The following STK32B variants were observed in gnomAD, a reference collection of about 807,000 sequenced individuals.
The protein encoded by STK32B is serine/threonine kinase 32B, also known as serine/threonine-protein kinase 32B.
A neutral mutation model predicts 52.6 loss-of-function variants in STK32B; 43 were observed. The observed-to-expected ratio is 0.82, with a 90% confidence interval of 0.64 to 1.05. The LOEUF is 1.05. Ranked by LOEUF, STK32B falls within the 50% of genes least tolerant of loss-of-function variation. The probability of loss-of-function intolerance (pLI) is 0.00; values close to 1 mark genes in which losing one functional copy is unlikely to be tolerated. For missense variants in STK32B, 621 were observed against 534.6 expected (o/e 1.16, Z -1.59); for synonymous variants, 238 against 204.3 (o/e 1.17, Z -1.41).
intron 1 of STK32B, among the ~76,000 whole-genome samples, chr4:5,078,412 A>G (rs990307500): frequency 6.6e-6 from 1 of 152,176 alleles, no homozygotes; most frequent in African/African-American, 2.4e-5. Context: ...AAACAAAACA[A>G]ACTGACATGA....
At chr4:5,191,226 C>G (rs1326466709) in intron 3 of STK32B, among the ~76,000 whole-genome samples, 1 of 151,550 alleles carries the variant, frequency 6.6e-6, no homozygotes, top group African/African-American at 2.4e-5. Flanking sequence ...GTTTGTGGAC[C>G]AGGCCTCTGC....
chr4:5,402,193 G>C (rs1737337968), intron 5 of STK32B, among the ~76,000 whole-genome samples: 3 of 152,236 alleles, frequency 2.0e-5, no homozygotes, highest in African/African-American at 7.2e-5. Context: ...AGAGAGACTA[G>C]ACATTGCAAA....
intron 3 of STK32B, among the ~76,000 whole-genome samples, chr4:5,244,275 A>G (rs184619076): frequency 3.9e-5 from 6 of 152,148 alleles, no homozygotes; most frequent in African/African-American, 1.4e-4. Context: ...GTCTATTCAG[A>G]GATTCAACTT....
intron 3 of STK32B, among the ~76,000 whole-genome samples, chr4:5,263,662 T>G (rs1007660606): frequency 3.3e-5 from 5 of 152,238 alleles, no homozygotes; most frequent in African/African-American, 1.2e-4. Flanking sequence ...TTACATATTA[T>G]GATACGCAGA....
the STK32B span, among the ~76,000 whole-genome samples, chr4:5,043,493 A>T: frequency 1.3e-5 from 2 of 152,342 alleles, no homozygotes; most frequent in East Asian, 3.9e-4. Flanking sequence ...ATTCCTTTAT[A>T]TAGGACTGGA....
intron 1 of STK32B, among the ~76,000 whole-genome samples, chr4:5,055,011 T>C (rs949633587): frequency 3.3e-5 from 5 of 152,162 alleles, no homozygotes; most frequent in African/African-American, 9.7e-5. Flanking sequence ...TTACTGTGGA[T>C]GGCATCTAAC....
intron 7 of STK32B, among the ~76,000 whole-genome samples, chr4:5,448,843 C>A (rs768900666): frequency 1.3e-5 from 2 of 152,146 alleles, no homozygotes; most frequent in African/African-American, 4.8e-5. Context: ...CAAAGGACAA[C>A]AGGTTTATGC....
In STK32B at chr4:5,058,674, T is replaced by C. The variant is rs1364663236; in HGVS notation, c.52+6759T>C. Among the ~76,000 whole-genome samples, 2 of 152,200 alleles carry C rather than the reference T, an allele frequency of 1.3e-5. No individual in the cohort carries two copies. The highest frequency in any genetic ancestry group is 2.9e-5 in the Non-Finnish European group (2 of 68,026). On this transcript the variant is annotated intron_variant, in intron 1 of 11. Transcript: ENST00000282908. This position sits in a 1 kb window ranked among gnomAD's most constrained non-coding sequence, Gnocchi z 4.8. ...ACCTCCCCGGCTCAAGCAATCCTCCTGTGTCAGCCTACAAAGTAGACCATA... is the reference window on the plus strand; with the variant it reads ...ACCTCCCCGGCTCAAGCAATCCTCCCGTGTCAGCCTACAAAGTAGACCATA...
At chr4:5,312,926 A>G (rs954166670) in intron 3 of STK32B, among the ~76,000 whole-genome samples, 22 of 152,034 alleles carry the variant, frequency 1.4e-4, no homozygotes, top group Admixed American at 6.5e-4. Flanking sequence ...AAGTGTTCCT[A>G]TTTCTCCATA....
chr4:5,328,331 G>C (rs1396423571), intron 3 of STK32B, among the ~76,000 whole-genome samples: 1 of 152,176 alleles, frequency 6.6e-6, no homozygotes, highest in Non-Finnish European at 1.5e-5. Flanking sequence ...GCCTATCTTG[G>C]CATTTGGCAT....
intron 2 of STK32B, among the ~76,000 whole-genome samples, chr4:5,143,055 A>G (rs944240992): frequency 6.6e-6 from 1 of 152,046 alleles, no homozygotes; most frequent in African/African-American, 2.4e-5. Context: ...AAGCCCCTAC[A>G]GTTGTGTGAA....
At chr4:5,052,641 A>G (rs1222261578) in intron 1 of STK32B, among the ~76,000 whole-genome samples, 1 of 152,174 alleles carries the variant, frequency 6.6e-6, no homozygotes, top group Non-Finnish European at 1.5e-5. Flanking sequence ...TAGTCCCTTC[A>G]TCAATGAAAT....
At chr4:5,414,514 T>C (rs1323542345) in intron 5 of STK32B, among the ~76,000 whole-genome samples, 1 of 152,192 alleles carries the variant, frequency 6.6e-6, no homozygotes, top group Non-Finnish European at 1.5e-5. Context: ...GGATTGTGGA[T>C]GTCATAGATA....
At chr4:5,492,890 G>A (rs528209406) in intron 11 of STK32B, among the ~76,000 whole-genome samples, 1,554 of 150,738 alleles carry the variant, frequency 0.01, 95 homozygotes, top group African/African-American at 0.035. Flanking sequence ...ATTGATTTGC[G>A]TATATTGAAC....
At chr4:5,129,716 A>C (rs953825368) in intron 1 of STK32B, among the ~76,000 whole-genome samples, 29 of 152,162 alleles carry the variant, frequency 1.9e-4, no homozygotes, top group African/African-American at 6.5e-4. Flanking sequence ...AACAACCCTA[A>C]GAAGTAGGTA....
chr4:5,306,481 A>G (rs1040299895), intron 3 of STK32B, among the ~76,000 whole-genome samples: 4 of 151,614 alleles, frequency 2.6e-5, no homozygotes, highest in Admixed American at 2.0e-4. Context: ...TTTTTTAACT[A>G]TTGTAGCTTT....
chr4:5,277,582 C>G (rs973086940), intron 3 of STK32B, among the ~76,000 whole-genome samples: 1 of 152,108 alleles, frequency 6.6e-6, no homozygotes, highest in African/African-American at 2.4e-5. Flanking sequence ...TCTCTTTTCA[C>G]CTGCCTACCC....
chr4:5,311,090 C>T (rs1237629838), intron 3 of STK32B, among the ~76,000 whole-genome samples: 1 of 152,086 alleles, frequency 6.6e-6, no homozygotes, highest in Admixed American at 6.6e-5. Context: ...GCTTTGTTAA[C>T]AGATACAAAA....
At chr4:5,327,668 C>T (rs1331277271) in intron 3 of STK32B, among the ~76,000 whole-genome samples, 3 of 151,980 alleles carry the variant, frequency 2.0e-5, no homozygotes, top group Non-Finnish European at 2.9e-5. Flanking sequence ...TTATAGAACA[C>T]AGGCAATAGA....
Sources: gnomAD v4.1 joint callset for allele counts (sites outside exome capture counted in the v4.1 genomes callset) on GRCh38, gnomAD v4.1.1 for gene constraint, Gnocchi (gnomAD v3.1) non-coding constraint, MANE v1.5 for transcripts, NCBI Gene and HGNC (gene_info 2026-07-23, HGNC 2026-07-21) for gene names.